NAV3: variants seen among roughly 807,000 people sequenced by gnomAD.
The protein encoded by NAV3 is neuron navigator 3.
A neutral mutation model predicts 244.7 loss-of-function variants in NAV3; 87 were observed. That is an observed-to-expected ratio of 0.36 (90% CI 0.30 to 0.42). The LOEUF (loss-of-function observed/expected upper bound fraction) is 0.42, where lower values mean the gene tolerates loss of function less well. Ranked by LOEUF, NAV3 falls within the 20% of genes least tolerant of loss-of-function variation. The pLI is 1.00. For missense variants in NAV3, 2,663 were observed against 2,893.3 expected, an observed-to-expected ratio of 0.92 and a Z score of 1.83; for synonymous variants, 1,126 against 1,042.2, an observed-to-expected ratio of 1.08 and a Z score of -1.55.
intron 2 of NAV3, among the ~76,000 whole-genome samples, chr12:77,798,025 G>T (rs777796720): frequency 2.6e-4 from 39 of 151,748 alleles, no homozygotes; most frequent in Non-Finnish European, 5.2e-4. Context: ...AAAAATTAGT[G>T]GTGGCACATG....
intron 5 of NAV3, among the ~76,000 whole-genome samples, chr12:77,987,010 A>G (rs906556001): frequency 6.6e-5 from 10 of 152,194 alleles, no homozygotes; most frequent in African/African-American, 2.2e-4. Flanking sequence ...TTGTAAGACT[A>G]TGAGAATAGT....
At chr12:78,130,505 G>T in intron 18 of NAV3, 1 of 204,748 alleles carries the variant, frequency 4.9e-6, no homozygotes, top group Admixed American at 4.6e-5. Flanking sequence ...CAGGCTTCCA[G>T]GGAAGCCTCG....
At chr12:77,988,302 G>C (rs898714655) in intron 5 of NAV3, among the ~76,000 whole-genome samples, 1 of 152,142 alleles carries the variant, frequency 6.6e-6, no homozygotes, top group Admixed American at 6.6e-5. Context: ...GTAGTGATTA[G>C]TAAAAATGTG....
intron 2 of NAV3, among the ~76,000 whole-genome samples, chr12:77,791,716 TTCGTA>T (rs547097436): frequency 2.0e-4 from 30 of 152,300 alleles, no homozygotes; most frequent in Admixed American, 1.8e-3. Context: ...GGACTCCCCA[TTCGTA>T]GATTCAAACA....
chr12:77,774,959 G>T (rs948318802), intron 2 of NAV3, among the ~76,000 whole-genome samples: 3 of 152,156 alleles, frequency 2.0e-5, no homozygotes, highest in Admixed American at 6.6e-5. Context: ...TTGGATGAAT[G>T]CCTGGTCATA....
rs11106577 is a variant in NAV3, at chr12:77,759,720, G to A, written c.73-180599G>A. On this transcript the variant is annotated intron_variant, in intron 2 of 8. Coordinates refer to the NAV3 transcript ENST00000550042. The stretch of plus-strand genomic sequence containing the variant: ...CAGCACTCTACTAACAAATGTGCAA[G>A]TGTTAAATAAAGTTGCTCATTGGTG... Among the ~76,000 whole-genome samples the A allele has an allele frequency of 1.8e-3, 279 of 152,220 alleles. 2 individuals carry two copies. The highest frequency in any genetic ancestry group is 6.4e-3 in the African/African-American group (267 of 41,540).
chr12:78,196,713 C>T (rs1396737345), intron 34 of NAV3, among the ~76,000 whole-genome samples: 1 of 151,882 alleles, frequency 6.6e-6, no homozygotes, highest in Non-Finnish European at 1.5e-5. Flanking sequence ...AATAAGCATA[C>T]TTTTATCAAG....
chr12:77,603,820 G>A (rs1051439060), intron 2 of NAV3, among the ~76,000 whole-genome samples: 1 of 151,972 alleles, frequency 6.6e-6, no homozygotes, highest in Non-Finnish European at 1.5e-5. Flanking sequence ...ATAGGCTGAG[G>A]GAAAGAAGCC....
intron 2 of NAV3, among the ~76,000 whole-genome samples, chr12:77,631,212 A>G (rs1328964037): frequency 6.6e-6 from 1 of 152,150 alleles, no homozygotes; most frequent in East Asian, 1.9e-4. Flanking sequence ...TGAATTTCTA[A>G]ATGGCCTACT....
intron 2 of NAV3, among the ~76,000 whole-genome samples, chr12:77,589,485 A>G (rs1030726831): frequency 6.6e-6 from 1 of 152,218 alleles, no homozygotes; most frequent in Non-Finnish European, 1.5e-5. Context: ...ACAATTCAAC[A>G]GGGCTGGGGA....
chr12:77,765,820 T>A (rs1396141713), intron 2 of NAV3, among the ~76,000 whole-genome samples: 1 of 151,324 alleles, frequency 6.6e-6, no homozygotes, highest in African/African-American at 2.4e-5. Flanking sequence ...AAAAGAATAC[T>A]GAGATTAAAA....
intron 9 of NAV3, among the ~76,000 whole-genome samples, chr12:78,045,886 A>G (rs899680743): frequency 6.6e-6 from 1 of 152,176 alleles, no homozygotes; most frequent in Non-Finnish European, 1.5e-5. Context: ...TTGGTAGGCT[A>G]TTAATTACTG....
intron 2 of NAV3, among the ~76,000 whole-genome samples, chr12:77,729,130 T>C (rs77545595): frequency 0.018 from 2,789 of 152,152 alleles, 97 homozygotes; most frequent in African/African-American, 0.063. Flanking sequence ...AGATTATTAG[T>C]TGATAAGTTC....
At chr12:77,808,793 G>T (rs1872125595) in intron 2 of NAV3, among the ~76,000 whole-genome samples, 1 of 152,182 alleles carries the variant, frequency 6.6e-6, no homozygotes, top group Non-Finnish European at 1.5e-5. Context: ...CTTCCACCAG[G>T]TGCTCTTTCC....
intron 3 of NAV3, among the ~76,000 whole-genome samples, chr12:77,963,873 TTCCTTCCTTCTCCTTCCTTCTCCTTC>T (rs1565965319): frequency 3.1e-5 from 1 of 32,536 alleles, no homozygotes; most frequent in Non-Finnish European, 5.2e-5. Flanking sequence ...CCCTCCCTCC[TTCCTTCCTTCTCCTTCCTTCTCCTTC>T]TCCTTCCTTC....
intron 1 of NAV3, among the ~76,000 whole-genome samples, chr12:77,879,410 G>A (rs1882304310): frequency 6.6e-6 from 1 of 152,130 alleles, no homozygotes; most frequent in Non-Finnish European, 1.5e-5. Flanking sequence ...GCTCACACCT[G>A]TATTCCTAAG....
At chr12:78,209,661 A>C (rs1453113672) in intron 39 of NAV3, among the ~76,000 whole-genome samples, 9 of 152,072 alleles carry the variant, frequency 5.9e-5, no homozygotes, top group Admixed American at 5.9e-4. Context: ...CTTTCTCCCC[A>C]GGTGCTTTCA....
At chr12:78,043,197 T>C (rs1306999784) in intron 9 of NAV3, among the ~76,000 whole-genome samples, 1 of 152,174 alleles carries the variant, frequency 6.6e-6, no homozygotes, top group African/African-American at 2.4e-5. Flanking sequence ...CAGTTTTCTG[T>C]TCCTGTGTTA....
chr12:77,674,746 T>C (rs1309683216), intron 2 of NAV3, among the ~76,000 whole-genome samples: 1 of 152,218 alleles, frequency 6.6e-6, no homozygotes, highest in African/African-American at 2.4e-5. Context: ...TTTATATCCA[T>C]GCATTCATTC....
Sources: gnomAD v4.1 joint callset for allele counts (sites outside exome capture counted in the v4.1 genomes callset) on GRCh38, gnomAD v4.1.1 for gene constraint, MANE v1.5 for transcripts, NCBI Gene and HGNC (gene_info 2026-07-23, HGNC 2026-07-21) for gene names.